The following JAZF1 variants were observed in gnomAD, a reference collection of about 807,000 sequenced individuals.
JAZF1 encodes juxtaposed with another zinc finger protein 1.
In JAZF1, 8 loss-of-function variants were observed where a neutral mutation model predicts 26.4. The observed-to-expected ratio is 0.30, with a 90% confidence interval of 0.18 to 0.55. JAZF1 has a LOEUF of 0.55. Among genes scored for constraint, JAZF1 ranks in the 20% least tolerant of loss-of-function variants. The pLI, the probability that JAZF1 is intolerant of heterozygous loss-of-function variation, is 0.94. For synonymous variants in JAZF1, 126 were observed against 122.3 expected (o/e 1.03, Z -0.20); for missense variants, 199 against 322.0 (o/e 0.62, Z 2.92).
intron 1 of JAZF1, among the ~76,000 whole-genome samples, chr7:28,113,491 C>G (rs939379986): frequency 5.3e-5 from 8 of 152,180 alleles, no homozygotes; most frequent in Non-Finnish European, 1.0e-4. Context: ...CTTGGGCGTT[C>G]TCACCTGGTT....
chr7:27,944,032 A>G lies in JAZF1; in HGVS notation c.188+47877T>C, dbSNP rs79240417. 8.4e-3 allele frequency among the ~76,000 whole-genome samples: 1,280 copies of G among 152,316 alleles called. 21 individuals carry two copies. The highest frequency in any genetic ancestry group is 0.029 in the African/African-American group (1,224 of 41,568). On this transcript the variant is annotated intron_variant, in intron 2 of 4. Transcript: ENST00000283928. The stretch of plus-strand genomic sequence containing the variant: ...CTCCTTGGCGTGTCCTTCAACAGCC[A>G]TTCAAATTCCACCTAAGTTTCACAG...
chr7:27,995,916 C>T (rs1786005743), intron 1 of JAZF1, among the ~76,000 whole-genome samples: 1 of 152,140 alleles, frequency 6.6e-6, no homozygotes, highest in Middle Eastern at 3.2e-3. Flanking sequence ...AAGGAAAGGA[C>T]AGCATTCAGA....
At chr7:27,979,122 G>T (rs914486046) in intron 2 of JAZF1, among the ~76,000 whole-genome samples, 2 of 152,118 alleles carry the variant, frequency 1.3e-5, no homozygotes, top group African/African-American at 4.8e-5. Flanking sequence ...AAGAGAACGA[G>T]AGTAGATCTG....
chr7:28,112,570 A>G (rs1185623677), intron 1 of JAZF1, among the ~76,000 whole-genome samples: 2 of 142,632 alleles, frequency 1.4e-5, no homozygotes, highest in Non-Finnish European at 3.0e-5. Flanking sequence ...TTGGTTTAAG[A>G]TAAGATCAAT....
intron 2 of JAZF1, among the ~76,000 whole-genome samples, chr7:27,960,633 C>T (rs1785170787): frequency 1.3e-5 from 2 of 152,086 alleles, no homozygotes; most frequent in Non-Finnish European, 2.9e-5. Flanking sequence ...CTGTGGTTGC[C>T]CTGACAATTG....
chr7:28,083,265 C>A (rs1562581491), intron 1 of JAZF1, among the ~76,000 whole-genome samples: 1 of 152,172 alleles, frequency 6.6e-6, no homozygotes, highest in East Asian at 1.9e-4. Context: ...CTGCCCCACT[C>A]GTGCATATAC....
intron 1 of JAZF1, among the ~76,000 whole-genome samples, chr7:28,112,344 T>G (rs945184464): frequency 1.3e-5 from 2 of 152,230 alleles, no homozygotes; most frequent in African/African-American, 4.8e-5. Context: ...ATGCTGATTT[T>G]GTAACATCCA....
At chr7:27,833,963 A>G (rs990927883) in intron 4 of JAZF1, among the ~76,000 whole-genome samples, 1 of 152,176 alleles carries the variant, frequency 6.6e-6, no homozygotes, top group Admixed American at 6.5e-5. Flanking sequence ...CAAGTCAGCA[A>G]TTGCCAGATT....
At chr7:28,109,933 C>G (rs1784615405) in intron 1 of JAZF1, among the ~76,000 whole-genome samples, 2 of 152,068 alleles carry the variant, frequency 1.3e-5, no homozygotes, top group Non-Finnish European at 2.9e-5. Flanking sequence ...GTAGTAGTAT[C>G]CAACGAGAAG....
intron 1 of JAZF1, among the ~76,000 whole-genome samples, chr7:28,085,775 C>T (rs927721183): frequency 1.3e-5 from 2 of 152,190 alleles, no homozygotes; most frequent in African/African-American, 2.4e-5. Flanking sequence ...TAATGTATCC[C>T]ATTTCTTATA....
chr7:27,992,012 T>C, intron 1 of JAZF1, 31 bp from the exon 2 acceptor site: 1 of 1,360,126 alleles, frequency 7.4e-7, no homozygotes, highest in Non-Finnish European at 1.1e-6. Context: ...CGATTTTTTT[T>C]AGATTTTGCA....
At chr7:28,011,013 C>T (rs190959537) in intron 1 of JAZF1, among the ~76,000 whole-genome samples, 7 of 152,306 alleles carry the variant, frequency 4.6e-5, no homozygotes, top group Non-Finnish European at 7.3e-5. Context: ...TGGTAACTAG[C>T]GGGCTCCTCA....
intron 2 of JAZF1, among the ~76,000 whole-genome samples, chr7:27,942,051 G>A (rs1034830414): frequency 6.6e-6 from 1 of 152,206 alleles, no homozygotes; most frequent in Non-Finnish European, 1.5e-5. Context: ...CACCTCACTG[G>A]GGGCTGGGTG....
chr7:27,885,546 A>C (rs1273211825), intron 3 of JAZF1, among the ~76,000 whole-genome samples: 1 of 152,156 alleles, frequency 6.6e-6, no homozygotes, highest in East Asian at 1.9e-4. Context: ...TTCCGTACGT[A>C]TTCTAGATAT....
intron 2 of JAZF1, among the ~76,000 whole-genome samples, chr7:27,973,753 G>A (rs1450943787): frequency 2.6e-5 from 4 of 152,238 alleles, no homozygotes; most frequent in Middle Eastern, 3.2e-3. Flanking sequence ...GAAGGAGTAC[G>A]CTGCAAGCCA....
At chr7:28,082,700 T>A (rs1166213554) in intron 1 of JAZF1, among the ~76,000 whole-genome samples, 2 of 152,136 alleles carry the variant, frequency 1.3e-5, no homozygotes, top group African/African-American at 4.8e-5. Flanking sequence ...GGCCCCTCTC[T>A]GGAACCTTAC....
intron 2 of JAZF1, among the ~76,000 whole-genome samples, chr7:27,979,596 A>G (rs1484768405): frequency 6.6e-6 from 1 of 151,894 alleles, no homozygotes; most frequent in Non-Finnish European, 1.5e-5. Context: ...CTGGGAAGCC[A>G]AAAGTTATTA....
At chr7:28,071,725 AAGAC>A in intron 1 of JAZF1, 1 of 452,016 alleles carries the variant, frequency 2.2e-6, no homozygotes, top group Non-Finnish European at 4.5e-6. Context: ...TTGGTTTACA[AAGAC>A]AGGCAACATG....
chr7:28,000,612 TTCTTTC>T lies in JAZF1; in HGVS notation c.116-8637_116-8632del, dbSNP rs1347493886. Reference sequence around the variant, plus strand: ...TCCTATTTTCTTTTTCTTTCTTTCTTTCTTTCTTTCTTTTTTTTTTTTTTTTTTGAG... The same window carrying T: ...TCCTATTTTCTTTTTCTTTCTTTCTTTTTCTTTTTTTTTTTTTTTTTTGAG... On this transcript the variant is annotated intron_variant, in intron 1 of 4. Transcript: ENST00000283928. Among the ~76,000 whole-genome samples, 6 of 136,994 alleles carry T rather than the reference TTCTTTC, an allele frequency of 4.4e-5. No individual in the cohort carries two copies. In the South Asian group the frequency reaches 6.6e-4, roughly 15 times the overall value. 89.9% of individuals were successfully genotyped at this position (136,994 alleles called of 152,430 possible). A position where few individuals can be genotyped will look rare whatever the true frequency, so the allele number is the denominator to read the frequency against.
Sources: allele counts gnomAD v4.1 joint callset (sites outside exome capture counted in the v4.1 genomes callset), GRCh38; gene constraint gnomAD v4.1.1; transcripts MANE v1.5; gene names NCBI Gene and HGNC (gene_info 2026-07-23, HGNC 2026-07-21).